ZNF608: variants seen among roughly 807,000 people sequenced by gnomAD.
ZNF608 encodes zinc finger protein 608, also known as renal carcinoma antigen NY-REN-36.
A neutral mutation model predicts 109.0 loss-of-function variants in ZNF608; 12 were observed. The observed-to-expected ratio is 0.11, with a 90% CI of 0.07 to 0.18. The LOEUF (loss-of-function observed/expected upper bound fraction) is 0.18, where lower values mean the gene tolerates loss of function less well. ZNF608 is among the 10% of genes least tolerant of loss of function. The pLI, the probability that ZNF608 is intolerant of heterozygous loss-of-function variation, is 1.00. For missense variants in ZNF608, 1,707 were observed against 1,879.3 expected (o/e 0.91, Z 1.70); for synonymous variants, 732 against 717.4 (o/e 1.02, Z -0.33).
chr5:124,746,440 A>G lies in ZNF608; in HGVS notation c.-429T>C. ...ATGTGTCACTGTACAGCTGGAAAAT[A>G]ATGTTTCACATTCACAACAGAAGCA... On this transcript the variant is annotated 5_prime_UTR_variant, in exon 1 of 10. Transcript: ENST00000513986. 1.0e-6 allele frequency: 1 copy of G among 985,438 alleles called. No homozygotes were observed. Among genetic ancestry groups the G allele is most frequent in the Non-Finnish European group, 1.2e-6 (1 of 829,930 alleles). The allele number at this position is 985,438 out of a possible 1,614,324, so 61.0% of individuals were successfully genotyped here.
rs936993633 is a variant in ZNF608 at position 124,722,590 on chromosome 5, C to G, written c.907-21321G>C. Among the ~76,000 whole-genome samples the G allele has an allele frequency of 1.7e-3, 237 of 138,810 alleles. 1 individual carries two copies. Among genetic ancestry groups the G allele is most frequent in the African/African-American group, 6.1e-3 (229 of 37,646 alleles). The allele number at this position is 138,810 out of a possible 152,430, so 91.1% of individuals were successfully genotyped here. ...AACCCTTAAAATACACACACACACA[C>G]ACACACACACACACACACACACACA... On this transcript the variant is annotated intron_variant, in intron 2 of 9. Coordinates refer to ENST00000513986, the MANE Select transcript of ZNF608 (RefSeq NM_020747.3).
chr5:124,666,679 T>C (rs1260685969), intron 3 of ZNF608, among the ~76,000 whole-genome samples: 2 of 151,112 alleles, frequency 1.3e-5, no homozygotes, highest in Non-Finnish European at 2.9e-5. Context: ...TTATCACAAC[T>C]CAAATATCAA....
chr5:124,661,726 TATATACTCTGTGTGTAA>T (rs575490534), intron 3 of ZNF608, among the ~76,000 whole-genome samples: 34 of 152,336 alleles, frequency 2.2e-4, no homozygotes, highest in African/African-American at 8.2e-4. Flanking sequence ...TGTCTATTTC[TATATACTCTGTGTGTAA>T]ATACGTGTGT....
intron 3 of ZNF608, among the ~76,000 whole-genome samples, chr5:124,663,849 T>A (rs962139974): frequency 5.9e-5 from 9 of 152,206 alleles, no homozygotes; most frequent in Non-Finnish European, 1.2e-4. Context: ...TCTGTCTTGA[T>A]AAAGTCTCCT....
chr5:124,696,971 T>C (rs564406572), intron 3 of ZNF608, among the ~76,000 whole-genome samples: 1 of 152,184 alleles, frequency 6.6e-6, no homozygotes, highest in East Asian at 1.9e-4. Context: ...CAACCCAGAC[T>C]AAACAAATGC....
At chr5:124,712,528 G>A (rs887481856) in intron 2 of ZNF608, among the ~76,000 whole-genome samples, 64 of 152,178 alleles carry the variant, frequency 4.2e-4, no homozygotes, top group African/African-American at 1.4e-3. Context: ...AGAGTGAGAA[G>A]GAGCAGAGTG....
rs774889287 is a variant in ZNF608 at position 124,647,341 on chromosome 5, C to G, written c.3043G>C (p.Gly1015Arg). The part of the protein sequence containing the change: ...SPSYMHPGQV[G>R]APAAGNSGST... ...CCACTATTTCCAGCTGCAGGGGCAC[C>G]GACCTGCCCAGGGTGCATGTAACTT... The change falls in exon 5 of 10, where the codon GGT (glycine) becomes CGT (arginine). Residue 1015 changes from glycine (G) to arginine (R), a missense_variant. Transcript: ENST00000513986. 1 of 1,614,168 alleles carries G rather than the reference C, an allele frequency of 6.2e-7. No homozygotes were observed. Among genetic ancestry groups the G allele is most frequent in the Admixed American group, 1.7e-5 (1 of 60,026 alleles).
At chr5:124,704,184 A>G (rs1753166569) in intron 2 of ZNF608, among the ~76,000 whole-genome samples, 1 of 152,208 alleles carries the variant, frequency 6.6e-6, no homozygotes, top group African/African-American at 2.4e-5. Context: ...TAGCACTCCG[A>G]TGTGATAATA....
chr5:124,732,688 G>A (rs1326262866), intron 2 of ZNF608, among the ~76,000 whole-genome samples: 1 of 152,036 alleles, frequency 6.6e-6, no homozygotes, highest in African/African-American at 2.4e-5. Flanking sequence ...GAAATCATGG[G>A]GAATTTCTAT....
intron 3 of ZNF608, among the ~76,000 whole-genome samples, chr5:124,683,444 G>C (rs550457775): frequency 6.6e-6 from 1 of 152,320 alleles, no homozygotes; most frequent in African/African-American, 2.4e-5. Flanking sequence ...GGGGGAAAGG[G>C]TGAGTAAGGG....
At chr5:124,690,752 C>T (rs1488349803) in intron 3 of ZNF608, among the ~76,000 whole-genome samples, 1 of 151,514 alleles carries the variant, frequency 6.6e-6, no homozygotes, top group Non-Finnish European at 1.5e-5. Flanking sequence ...ACAAAGGCAA[C>T]AAAAGCAAAA....
chr5:124,675,693 A>T (rs1455220415), intron 3 of ZNF608, among the ~76,000 whole-genome samples: 1 of 152,124 alleles, frequency 6.6e-6, no homozygotes, highest in Non-Finnish European at 1.5e-5. Context: ...TTTTAGAAAT[A>T]CCCTTAATCT....
intron 3 of ZNF608, among the ~76,000 whole-genome samples, chr5:124,658,437 G>T (rs745808137): frequency 1.3e-5 from 2 of 152,178 alleles, no homozygotes; most frequent in Admixed American, 6.5e-5. Context: ...GTACCAAGGG[G>T]TTTTATTTCT....
chr5:124,684,834 C>A (rs1394489018), intron 3 of ZNF608, among the ~76,000 whole-genome samples: 1 of 152,128 alleles, frequency 6.6e-6, no homozygotes, highest in African/African-American at 2.4e-5. Flanking sequence ...AGCTACAGGT[C>A]TTTTCTCAAA....
At chr5:124,739,074 G>A (rs1267775525) in intron 2 of ZNF608, among the ~76,000 whole-genome samples, 1 of 152,096 alleles carries the variant, frequency 6.6e-6, no homozygotes, top group Non-Finnish European at 1.5e-5. Flanking sequence ...CACAACCAGG[G>A]GTCCCTTTCT....
At position 124,730,324 on chromosome 5, in the gene ZNF608, C is replaced by A. The variant is rs548237277; in HGVS notation, c.906+13760G>T. On this transcript the variant is annotated intron_variant, in intron 2 of 9. Transcript: ENST00000513986. The stretch of plus-strand genomic sequence containing the variant: ...TAAGTGTCAAAAAAGGAAAATTTAA[C>A]ATGTTTAAGACCCAATATACTTACA... 2.6e-5 allele frequency among the ~76,000 whole-genome samples: 4 copies of A among 152,314 alleles called. No individual in the cohort carries two copies. In the South Asian group the frequency reaches 8.3e-4, roughly 32 times the overall value.
At chr5:124,726,388 C>T (rs1479902444) in intron 2 of ZNF608, among the ~76,000 whole-genome samples, 1 of 152,118 alleles carries the variant, frequency 6.6e-6, no homozygotes, top group East Asian at 1.9e-4. Flanking sequence ...CAGGATATAT[C>T]AAAAATGAGT....
chr5:124,660,468 T>A (rs1751209309), intron 3 of ZNF608, among the ~76,000 whole-genome samples: 1 of 152,084 alleles, frequency 6.6e-6, no homozygotes, highest in Non-Finnish European at 1.5e-5. Context: ...GTGGCTCAGG[T>A]TCAGAATGCA....
At chr5:124,708,322 G>A (rs964614968) in intron 2 of ZNF608, among the ~76,000 whole-genome samples, 8 of 152,210 alleles carry the variant, frequency 5.3e-5, no homozygotes, top group Admixed American at 3.3e-4. Context: ...AAAAGGAAAC[G>A]TGGGAAAAGT....
Sources: allele counts gnomAD v4.1 joint callset (sites outside exome capture counted in the v4.1 genomes callset), GRCh38; gene constraint gnomAD v4.1.1; transcripts MANE v1.5; gene names NCBI Gene and HGNC (gene_info 2026-07-23, HGNC 2026-07-21).